Variants in DPP10 observed in about 807,000 individuals in gnomAD.
The protein encoded by DPP10 is inactive dipeptidyl peptidase 10.
Under a neutral mutation model 120.9 loss-of-function variants are expected in DPP10, and 33 were observed. The observed-to-expected ratio is 0.27, with a 90% CI of 0.21 to 0.37. The LOEUF (loss-of-function observed/expected upper bound fraction) is 0.37. Ranked by LOEUF, DPP10 falls within the 10% of genes least tolerant of loss-of-function variation. DPP10 has a pLI of 1.00. For synonymous variants in DPP10, 337 were observed against 326.1 expected (o/e 1.03, Z -0.36); for missense variants, 816 against 942.8 (o/e 0.87, Z 1.76).
intron 2 of DPP10, among the ~76,000 whole-genome samples, chr2:115,315,284 C>CACACACACACAT (rs985950447): frequency 6.6e-6 from 1 of 151,794 alleles, no homozygotes; most frequent in Non-Finnish European, 1.5e-5. Flanking sequence ...CATACACACA[C>CACACACACACAT]ACACACACAC....
At chr2:114,609,433 G>A (rs1693101089) in intron 1 of DPP10, among the ~76,000 whole-genome samples, 1 of 152,116 alleles carries the variant, frequency 6.6e-6, no homozygotes, top group Non-Finnish European at 1.5e-5. Context: ...AGCCTGGGAT[G>A]GGAGGTGAGA....
intron 1 of DPP10, among the ~76,000 whole-genome samples, chr2:114,928,679 T>G (rs1293202997): frequency 6.6e-6 from 1 of 151,860 alleles, no homozygotes; most frequent in East Asian, 1.9e-4. Flanking sequence ...CTAGATGTGG[T>G]CCTAGTACAG....
At position 115,394,114 on chromosome 2, in the gene DPP10, GA is replaced by G. The variant is rs572294256; in HGVS notation, c.271+50204del. ...TTCATCAAATATATAAAGAAATTTG[GA>G]ATCGATTCTAAAAACTAGGAGGATA... On this transcript the variant is annotated intron_variant, in intron 3 of 25. Transcript: ENST00000410059. Among the ~76,000 whole-genome samples, 231 of 152,222 alleles carry G rather than the reference GA, an allele frequency of 1.5e-3. 1 individual carries two copies. Among genetic ancestry groups the G allele is most frequent in the African/African-American group, 5.1e-3 (211 of 41,550 alleles).
intron 1 of DPP10, among the ~76,000 whole-genome samples, chr2:114,767,104 A>G (rs1574139235): frequency 1.0e-5 from 1 of 99,238 alleles, no homozygotes; most frequent in African/African-American, 5.0e-5. Context: ...TCAAAACTAG[A>G]AAAAAAAAAA....
At chr2:114,850,544 C>G (rs1232290388) in intron 1 of DPP10, among the ~76,000 whole-genome samples, 1 of 151,644 alleles carries the variant, frequency 6.6e-6, no homozygotes, top group Non-Finnish European at 1.5e-5. Flanking sequence ...TTTATTATTC[C>G]CAATCATAAT....
intron 1 of DPP10, among the ~76,000 whole-genome samples, chr2:114,961,129 G>A (rs958645625): frequency 7.5e-5 from 9 of 119,926 alleles, no homozygotes; most frequent in Middle Eastern, 8.2e-3. Context: ...TCAGCTCACC[G>A]CAACCTCCAC....
At chr2:115,130,527 T>C (rs1053849027) in intron 1 of DPP10, among the ~76,000 whole-genome samples, 1 of 151,070 alleles carries the variant, frequency 6.6e-6, no homozygotes, top group Non-Finnish European at 1.5e-5. Context: ...CATCCATCCA[T>C]CCATCCATCC....
At chr2:115,607,833 C>A (rs1575321472) in intron 5 of DPP10, among the ~76,000 whole-genome samples, 1 of 152,198 alleles carries the variant, frequency 6.6e-6, no homozygotes, top group East Asian at 1.9e-4. Context: ...AAACGACATA[C>A]ATTATATCCC....
At chr2:115,571,354 G>A (rs1310403758) in intron 5 of DPP10, among the ~76,000 whole-genome samples, 1 of 152,098 alleles carries the variant, frequency 6.6e-6, no homozygotes, top group East Asian at 1.9e-4. Context: ...ATAGTACCTA[G>A]TAGTTAGTTT....
intron 1 of DPP10, among the ~76,000 whole-genome samples, chr2:114,528,534 G>A (rs1021836206): frequency 3.3e-5 from 5 of 151,792 alleles, no homozygotes; most frequent in African/African-American, 7.3e-5. Flanking sequence ...GCTTTTCTGG[G>A]ACTCCTATAA....
At chr2:114,861,627 CA>C (rs1689814915) in intron 1 of DPP10, among the ~76,000 whole-genome samples, 1 of 152,072 alleles carries the variant, frequency 6.6e-6, no homozygotes, top group Admixed American at 6.5e-5. Flanking sequence ...AAACAATAAA[CA>C]ATGCCAGATA....
chr2:115,023,373 C>T (rs768417197), intron 1 of DPP10, among the ~76,000 whole-genome samples: 16 of 151,886 alleles, frequency 1.1e-4, no homozygotes, highest in South Asian at 4.2e-4. Context: ...TACAAATGGC[C>T]GACAAGCATA....
intron 2 of DPP10, among the ~76,000 whole-genome samples, chr2:115,313,162 G>A (rs1444857666): frequency 6.6e-6 from 1 of 152,146 alleles, no homozygotes; most frequent in African/African-American, 2.4e-5. Flanking sequence ...GTCAGAGGTT[G>A]CAGTGAGCCC....
Position 115,702,565 on chromosome 2 carries a change from A to T in DPP10, c.576+12644A>T, listed in dbSNP as rs981455303. Among the ~76,000 whole-genome samples, 15 of 152,208 alleles carry T rather than the reference A, an allele frequency of 9.9e-5. No individual in the cohort carries two copies. The South Asian group carries it at 3.1e-3, about 32-fold the overall frequency. ...CTGATACGTGCTACAGCTTGGATGA[A>T]CCTTAAAAACATGCTAAGTGAAAGG... On this transcript the variant is annotated intron_variant, in intron 7 of 25. Transcript: ENST00000410059.
chr2:115,456,798 C>A (rs535742718), intron 3 of DPP10, among the ~76,000 whole-genome samples: 1 of 152,026 alleles, frequency 6.6e-6, no homozygotes, highest in African/African-American at 2.4e-5. Context: ...ACATCATACA[C>A]CGGGACCTGT....
chr2:115,646,284 A>G (rs2087249966), intron 5 of DPP10, among the ~76,000 whole-genome samples: 1 of 152,214 alleles, frequency 6.6e-6, no homozygotes, highest in Non-Finnish European at 1.5e-5. Context: ...GTAGGCTCAT[A>G]GAAATTAAAA....
chr2:114,734,334 C>T (rs1677212220), intron 1 of DPP10, among the ~76,000 whole-genome samples: 1 of 152,166 alleles, frequency 6.6e-6, no homozygotes, highest in East Asian at 1.9e-4. Flanking sequence ...AGAGCTCCCT[C>T]TGCACAATAA....
At chr2:114,528,379 G>GGT (rs1185499599) in intron 1 of DPP10, among the ~76,000 whole-genome samples, 11 of 152,130 alleles carry the variant, frequency 7.2e-5, no homozygotes, top group Non-Finnish European at 7.4e-5. Flanking sequence ...CAATCACTTT[G>GGT]TGAGAGTGAA....
chr2:115,560,250 A>C (rs953052092), intron 5 of DPP10, among the ~76,000 whole-genome samples: 17 of 148,732 alleles, frequency 1.1e-4, no homozygotes, highest in African/African-American at 4.0e-4. Flanking sequence ...TGGTGCCTGT[A>C]GTCCCAGCTA....
Sources: allele counts gnomAD v4.1 joint callset (sites outside exome capture counted in the v4.1 genomes callset), GRCh38; gene constraint gnomAD v4.1.1; transcripts MANE v1.5; gene names NCBI Gene and HGNC (gene_info 2026-07-23, HGNC 2026-07-21).